Variants in CDH6 observed in about 807,000 individuals in gnomAD.
CDH6 encodes cadherin-6.
CDH6 carries 31 observed loss-of-function variants against 78.0 expected under a neutral mutation model. That is an observed-to-expected ratio of 0.40 (90% CI 0.30 to 0.54). The LOEUF (loss-of-function observed/expected upper bound fraction) is 0.54. CDH6 is among the 20% of genes least tolerant of loss of function. The pLI is 0.56. For synonymous variants in CDH6, 376 were observed against 368.8 expected, an observed-to-expected ratio of 1.02 and a Z score of -0.23; for missense variants, 724 against 975.9, an observed-to-expected ratio of 0.74 and a Z score of 3.44.
At chr5:31,212,037 A>G (rs1192752025) in intron 1 of CDH6, among the ~76,000 whole-genome samples, 1 of 152,208 alleles carries the variant, frequency 6.6e-6, no homozygotes, top group Non-Finnish European at 1.5e-5. Flanking sequence ...CTACTTTTGT[A>G]TGACGAATGA....
At chr5:31,292,830 T>TATATATATATATATGTGTGC (rs1737429548) in intron 2 of CDH6, among the ~76,000 whole-genome samples, 1 of 13,412 alleles carries the variant, frequency 7.5e-5, no homozygotes, top group African/African-American at 1.0e-4. Flanking sequence ...TGCATATATA[T>TATATATATATATATGTGTGC]ATATATATAT....
At chr5:31,220,326 T>A (rs1025517662) in intron 1 of CDH6, among the ~76,000 whole-genome samples, 2 of 152,202 alleles carry the variant, frequency 1.3e-5, no homozygotes. Flanking sequence ...CCAACAGATA[T>A]GCTAAATCCA....
chr5:31,230,304 A>T (rs1028382095), intron 1 of CDH6, among the ~76,000 whole-genome samples: 1 of 152,224 alleles, frequency 6.6e-6, no homozygotes, highest in Admixed American at 6.5e-5. Context: ...AAAGACATAG[A>T]GAACTCACTA....
rs115945895 is a variant in CDH6, at chr5:31,267,351, C to A, written c.-123C>A. ...TATGTTATTATTCTTTCCAGATATC[C>A]TCTGAGAGCCAAGCAAAGAACATTA... On this transcript the variant is annotated 5_prime_UTR_variant, in exon 2 of 12. Transcript: ENST00000265071. 2.4e-3 allele frequency: 1,658 copies of A among 688,790 alleles called. 20 individuals carry two copies. The African/African-American group carries it at 0.026, about 11-fold the overall frequency. The allele number at this position is 688,790 out of a possible 1,614,324, so 42.7% of individuals were successfully genotyped here.
intron 1 of CDH6, among the ~76,000 whole-genome samples, chr5:31,243,558 G>A (rs772091521): frequency 6.6e-6 from 1 of 152,284 alleles, no homozygotes; most frequent in East Asian, 1.9e-4. Flanking sequence ...ACAGCATCAT[G>A]CCATGCTTGG....
intron 1 of CDH6, among the ~76,000 whole-genome samples, chr5:31,210,942 G>A (rs1261507219): frequency 1.3e-5 from 2 of 152,070 alleles, no homozygotes; most frequent in Non-Finnish European, 2.9e-5. Flanking sequence ...ATAAACTATA[G>A]CTTTAGAGGT....
At chr5:31,265,510 T>G (rs1742316110) in intron 1 of CDH6, among the ~76,000 whole-genome samples, 1 of 152,196 alleles carries the variant, frequency 6.6e-6, no homozygotes, top group Non-Finnish European at 1.5e-5. Flanking sequence ...AAGCCATGTA[T>G]TAGGTGGCTA....
chr5:31,247,431 C>T (rs755227718), intron 1 of CDH6, among the ~76,000 whole-genome samples: 6 of 152,214 alleles, frequency 3.9e-5, no homozygotes, highest in Non-Finnish European at 8.8e-5. Context: ...TTAATCAGAA[C>T]ATTCCACCTG....
intron 1 of CDH6, among the ~76,000 whole-genome samples, chr5:31,253,046 A>G (rs1561043629): frequency 6.6e-6 from 1 of 152,230 alleles, no homozygotes; most frequent in Non-Finnish European, 1.5e-5. Context: ...AATGTTTTGG[A>G]AACTAGGAAG....
chr5:31,290,160 T>G (rs1043272875), intron 2 of CDH6, among the ~76,000 whole-genome samples: 2 of 152,170 alleles, frequency 1.3e-5, no homozygotes, highest in Admixed American at 6.5e-5. Context: ...CACGGCAGGC[T>G]GAGCCAAGAG....
At chr5:31,257,454 C>T (rs1468061944) in intron 1 of CDH6, among the ~76,000 whole-genome samples, 3 of 152,236 alleles carry the variant, frequency 2.0e-5, no homozygotes, top group South Asian at 2.1e-4. Flanking sequence ...TGAGCCACCG[C>T]GCCTGGCCAC....
chr5:31,265,539 G>A (rs1742317667), intron 1 of CDH6, among the ~76,000 whole-genome samples: 1 of 152,178 alleles, frequency 6.6e-6, no homozygotes, highest in Non-Finnish European at 1.5e-5. Context: ...CATTGCTGGA[G>A]TGTAAAACAA....
chr5:31,283,723 A>G (rs1479363597), intron 2 of CDH6, among the ~76,000 whole-genome samples: 3 of 152,212 alleles, frequency 2.0e-5, no homozygotes, highest in East Asian at 3.9e-4. Context: ...GGGGGTCATA[A>G]GAGCCAACAT....
chr5:31,304,545 C>G (rs1400459738), intron 6 of CDH6, among the ~76,000 whole-genome samples: 1 of 151,906 alleles, frequency 6.6e-6, no homozygotes, highest in African/African-American at 2.4e-5. Flanking sequence ...ATTAGCTGGG[C>G]CTGGTGGTGA....
At chr5:31,265,769 G>GTTTTTTTTTTTTTTT (rs35184792) in intron 1 of CDH6, among the ~76,000 whole-genome samples, 1 of 78,406 alleles carries the variant, frequency 1.3e-5, no homozygotes, top group Non-Finnish European at 2.2e-5. Context: ...TTAAGACAAT[G>GTTTTTTTTTTTTTTT]TTTTTTTTTT....
chr5:31,292,804 C>CATATATAT (rs1365766997), intron 2 of CDH6, among the ~76,000 whole-genome samples: 1 of 125,334 alleles, frequency 8.0e-6, no homozygotes, highest in African/African-American at 3.3e-5. Flanking sequence ...TATGTGTGTG[C>CATATATAT]ATATATATAT....
intron 1 of CDH6, among the ~76,000 whole-genome samples, chr5:31,233,760 G>A (rs4867321): frequency 0.86 from 130,199 of 152,136 alleles, 57,949 homozygotes; most frequent in Non-Finnish European, 0.97. Flanking sequence ...TTCACGGAGA[G>A]GTCCTCCTTG....
chr5:31,240,749 G>A (rs1284165218), intron 1 of CDH6, among the ~76,000 whole-genome samples: 1 of 152,208 alleles, frequency 6.6e-6, no homozygotes, highest in African/African-American at 2.4e-5. Context: ...AGCGCAGAGT[G>A]AAAACTAGAG....
chr5:31,282,599 C>T (rs942448194), intron 2 of CDH6, among the ~76,000 whole-genome samples: 1 of 152,204 alleles, frequency 6.6e-6, no homozygotes, highest in Non-Finnish European at 1.5e-5. Context: ...TGAGGAAACA[C>T]AGTCACAGGT....
Sources: gnomAD v4.1 joint callset for allele counts (sites outside exome capture counted in the v4.1 genomes callset) on GRCh38, gnomAD v4.1.1 for gene constraint, MANE v1.5 for transcripts, NCBI Gene and HGNC (gene_info 2026-07-23, HGNC 2026-07-21) for gene names.